TEX9: variants seen among roughly 807,000 people sequenced by gnomAD.
TEX9 encodes the protein testis expressed 9, also known as testis-expressed protein 9.
TEX9 carries 74 observed loss-of-function variants against 59.6 expected under a neutral mutation model. The ratio of observed to expected loss-of-function variants is 1.24; its 90% CI spans 1.03 to 1.51. TEX9 has a LOEUF of 1.51. TEX9 is among the 40% of genes most tolerant of loss of function. TEX9 has a pLI of 0.00. For missense variants in TEX9, 522 were observed against 447.8 expected (o/e 1.17, Z -1.49); for synonymous variants, 186 against 152.2 (o/e 1.22, Z -1.64).
chr15:56,283,392 A>G (rs60687127), intron 1 of TEX9, among the ~76,000 whole-genome samples: 18 of 152,336 alleles, frequency 1.2e-4, no homozygotes, highest in African/African-American at 4.3e-4. Flanking sequence ...ATTAAAGCAT[A>G]TTATAACTGT....
chr15:56,375,450 TC>T (rs1369041540), intron 3 of TEX9, among the ~76,000 whole-genome samples: 4 of 152,212 alleles, frequency 2.6e-5, no homozygotes, highest in Admixed American at 2.6e-4. Context: ...GAAAATTTTC[TC>T]CCATTTTGTA....
intron 2 of TEX9, among the ~76,000 whole-genome samples, chr15:56,367,667 G>A (rs2047007246): frequency 6.6e-6 from 1 of 152,132 alleles, no homozygotes; most frequent in Admixed American, 6.5e-5. Context: ...ACTTATTTAT[G>A]CTATTGAATT....
chr15:56,244,614 C>T (rs1351827238), intron 1 of TEX9, among the ~76,000 whole-genome samples: 1 of 150,362 alleles, frequency 6.7e-6, no homozygotes, highest in Non-Finnish European at 1.5e-5. Flanking sequence ...AATGCCCTCC[C>T]TCCTTTATAC....
At chr15:56,336,558 A>G (rs1390179720) in intron 1 of TEX9, among the ~76,000 whole-genome samples, 1 of 152,160 alleles carries the variant, frequency 6.6e-6, no homozygotes, top group Non-Finnish European at 1.5e-5. Flanking sequence ...ATAAGTTTCT[A>G]TTGTTTATAC....
chr15:56,434,201 C>T (rs1284296196), intron 12 of TEX9: 1 of 1,613,778 alleles, frequency 6.2e-7, no homozygotes, highest in Non-Finnish European at 8.5e-7. Context: ...TCCTGTGTTC[C>T]AGCTGCTTCA....
intron 1 of TEX9, among the ~76,000 whole-genome samples, chr15:56,347,628 C>T (rs2046496998): frequency 6.6e-6 from 1 of 151,430 alleles, no homozygotes; most frequent in South Asian, 2.1e-4. Flanking sequence ...AATTGGACTG[C>T]AGACTTAAAC....
intron 12 of TEX9, among the ~76,000 whole-genome samples, chr15:56,438,998 C>A (rs1223041132): frequency 6.6e-6 from 1 of 151,918 alleles, no homozygotes; most frequent in Non-Finnish European, 1.5e-5. Context: ...GTATACAGAT[C>A]AGAAAGGAAG....
chr15:56,443,513 G>A, intron 12 of TEX9: 1 of 1,597,972 alleles, frequency 6.3e-7, no homozygotes, highest in Non-Finnish European at 8.5e-7. Context: ...CGTTGCCGCA[G>A]CATTTCTTCT....
Position 56,405,448 on chromosome 15 carries a change from C to G in TEX9, c.829-6854C>G, listed in dbSNP as rs902736549. Among the ~76,000 whole-genome samples the G allele has an allele frequency of 2.6e-5, 4 of 152,036 alleles. No individual in the cohort carries two copies. In the East Asian group the frequency reaches 5.8e-4, roughly 22 times the overall value. ...TTTTTTCAACAAATCATGTCATTCC[C>G]GAATCCCCCAAAATTAAATGAACGT... On this transcript the variant is annotated intron_variant, in intron 9 of 12. Coordinates refer to ENST00000352903, the Ensembl canonical transcript of TEX9.
chr15:56,268,946 A>G (rs1465963371), intron 1 of TEX9, among the ~76,000 whole-genome samples: 4 of 152,206 alleles, frequency 2.6e-5, no homozygotes, highest in Non-Finnish European at 5.9e-5. Flanking sequence ...CTGTGAATCC[A>G]TCTGGTCCTA....
intron 1 of TEX9, among the ~76,000 whole-genome samples, chr15:56,294,665 C>A (rs1220880217): frequency 6.6e-6 from 1 of 152,140 alleles, no homozygotes; most frequent in Non-Finnish European, 1.5e-5. Context: ...AATATTACCT[C>A]ATTCCTTGGC....
At chr15:56,449,912 A>C (rs1309873844), downstream of TEX9, among the ~76,000 whole-genome samples, 2 of 152,164 alleles carry the variant, frequency 1.3e-5, no homozygotes, top group African/African-American at 2.4e-5. Flanking sequence ...TATCCATTCC[A>C]AAAACTGGTT....
intron 12 of TEX9, among the ~76,000 whole-genome samples, chr15:56,437,790 A>G (rs1204786006): frequency 6.6e-6 from 1 of 152,158 alleles, no homozygotes; most frequent in Non-Finnish European, 1.5e-5. Flanking sequence ...AAATCAATGT[A>G]CAAAAATCAC....
At chr15:56,244,547 G>A (rs1261783772) in intron 1 of TEX9, among the ~76,000 whole-genome samples, 1 of 151,994 alleles carries the variant, frequency 6.6e-6, no homozygotes, top group Non-Finnish European at 1.5e-5. Context: ...CTTCCTTCGT[G>A]CCTTTGCTCA....
chr15:56,425,921 GT>G (rs1295087878), intron 10 of TEX9, among the ~76,000 whole-genome samples: 1 of 152,116 alleles, frequency 6.6e-6, no homozygotes, highest in African/African-American at 2.4e-5. Flanking sequence ...CCTTTCTGGG[GT>G]TGTGTCTTTC....
chr15:56,392,345 G>C lies in TEX9; in HGVS notation c.571+927G>C, dbSNP rs569541480. 1.4e-3 allele frequency among the ~76,000 whole-genome samples: 214 copies of C among 152,228 alleles called. 1 individual carries two copies. The highest frequency in any genetic ancestry group is 4.8e-3 in the African/African-American group (199 of 41,532). ...TCCAATCATGGCGGAAGGCAAACAG[G>C]GAGTGAGGCATCTCACACGGTGGGA... On this transcript the variant is annotated intron_variant, in intron 7 of 12. Transcript: ENST00000352903.
chr15:56,273,346 T>C (rs570445869), intron 1 of TEX9, among the ~76,000 whole-genome samples: 1 of 152,348 alleles, frequency 6.6e-6, no homozygotes, highest in African/African-American at 2.4e-5. Context: ...AATGCATGTC[T>C]CAATTAATCA....
At chr15:56,351,813 A>G (rs1467250379) in intron 1 of TEX9, among the ~76,000 whole-genome samples, 2 of 152,178 alleles carry the variant, frequency 1.3e-5, no homozygotes, top group African/African-American at 4.8e-5. Flanking sequence ...GTCATTGTGT[A>G]TTTCTTTAAT....
At chr15:56,395,622 C>T (rs1167211563) in intron 9 of TEX9, 1 of 152,170 alleles carries the variant, frequency 6.6e-6, no homozygotes, top group Admixed American at 6.5e-5. Context: ...TCTACACATC[C>T]TCACCAACAT....
Sources: allele counts gnomAD v4.1 joint callset (sites outside exome capture counted in the v4.1 genomes callset), GRCh38; gene constraint gnomAD v4.1.1; transcripts MANE v1.5; gene names NCBI Gene and HGNC (gene_info 2026-07-23, HGNC 2026-07-21).